EMC1: variants seen among roughly 807,000 people sequenced by gnomAD.
EMC1 encodes KIAA0090.
EMC1 carries 103 observed loss-of-function variants against 128.8 expected under a neutral mutation model. That is an observed-to-expected ratio of 0.80 (90% CI 0.68 to 0.94). The LOEUF (loss-of-function observed/expected upper bound fraction) is 0.94. EMC1 is among the 40% of genes least tolerant of loss of function. The probability of loss-of-function intolerance (pLI) is 0.00; values close to 1 mark genes in which losing one functional copy is unlikely to be tolerated. For missense variants in EMC1, 1,083 were observed against 1,250.6 expected, an observed-to-expected ratio of 0.87 and a Z score of 2.02; for synonymous variants, 442 against 490.4, an observed-to-expected ratio of 0.90 and a Z score of 1.30.
At chr1:19,237,605 G>T (rs773385440) in intron 11 of EMC1, among the ~76,000 whole-genome samples, 1 of 152,140 alleles carries the variant, frequency 6.6e-6, no homozygotes, top group Non-Finnish European at 1.5e-5. Context: ...TGCACACAGA[G>T]GCAATACTGG....
chr1:19,250,014 T>C (rs1224705890), intron 1 of EMC1, among the ~76,000 whole-genome samples: 1 of 151,708 alleles, frequency 6.6e-6, no homozygotes, highest in Non-Finnish European at 1.5e-5. Flanking sequence ...GATCGGGAGT[T>C]TGAGACCAGC....
intron 18 of EMC1, 111 bp downstream of exon 18, chr1:19,227,202 A>T: frequency 8.3e-7 from 1 of 1,204,178 alleles, no homozygotes; most frequent in Non-Finnish European, 1.2e-6. Flanking sequence ...CAAAGGGATT[A>T]AATGACTTAC....
At position 19,219,472 on chromosome 1, in the gene EMC1, T is replaced by C. The variant is rs2093414395; in HGVS notation, c.2813A>G (p.Tyr938Cys). Residue 938 changes from tyrosine (Y) to cysteine (C), a missense_variant, in exon 23 of 23, where the codon TAT becomes TGT. This residue lies in a region of EMC1 where 527 missense variants were observed against 644.1 expected (regional missense o/e 0.82). Coordinates refer to ENST00000477853, the MANE Select transcript of EMC1 (RefSeq NM_015047.3). ...TCGAGTTTGGTAAATGTCCAAACCA[T>C]AGGCCACAACCTGGAAGGCAGATGG... ...GLESTCLVVA[Y>C]GLDIYQTRVY... 1.2e-6 allele frequency: 2 copies of C among 1,613,830 alleles called. No individual in the cohort carries two copies. Among genetic ancestry groups the C allele is most frequent in the East Asian group, 2.2e-5 (1 of 44,840 alleles).
Position 19,222,805 on chromosome 1 carries a change from G to A in EMC1, c.2406C>T (p.Arg802=). ...VYQYWNTKAR[R]NEFTVLELYE... is the part of the protein sequence containing the mutation. The stretch of plus-strand genomic sequence containing the variant: ...AGAGCTCCAGTACGGTAAACTCGTT[G>A]CGCCGAGCCTTGGTGTTCCAGTACT... The change falls in exon 20 of 23, where the codon CGC becomes CGT. Residue 802 remains arginine, a synonymous_variant. Coordinates refer to ENST00000477853, the MANE Select transcript of EMC1 (RefSeq NM_015047.3). 6.2e-7 allele frequency: 1 copy of A among 1,612,892 alleles called. No individual in the cohort carries two copies. The highest frequency in any genetic ancestry group is 8.5e-7 in the Non-Finnish European group (1 of 1,179,126).
Position 19,216,541 on chromosome 1 carries a change from TTAAA to T in EMC1, c.*2758_*2761del, listed in dbSNP as rs2093397980. ...TACCTAATATGTACCCACAAAAAAT[TTAAA>T]TAAAAAACTTTAAAAGATCCATTAG... is the stretch of plus-strand genomic sequence containing the variant. On this transcript the variant is annotated 3_prime_UTR_variant, in exon 23 of 23. Transcript: ENST00000477853. 1 of 152,008 alleles carries T rather than the reference TTAAA, an allele frequency of 6.6e-6. No individual in the cohort carries two copies. The highest frequency in any genetic ancestry group is 2.4e-5 in the African/African-American group (1 of 41,360). 9.4% of individuals were successfully genotyped at this position (152,008 alleles called of 1,614,324 possible).
chr1:19,220,650 C>T (rs1224082992), intron 21 of EMC1, 114 bp downstream of exon 21: 5 of 753,254 alleles, frequency 6.6e-6, no homozygotes, highest in East Asian at 2.8e-5. Context: ...CCCCCTGCTA[C>T]ATCCCCAGCC....
chr1:19,232,522 C>T, intron 15 of EMC1, 102 bp downstream of exon 15: 1 of 1,315,754 alleles, frequency 7.6e-7, no homozygotes, highest in Non-Finnish European at 1.1e-6. Context: ...CTGAATGTTC[C>T]TCATTAACTC....
In EMC1 at chr1:19,216,527, T is replaced by C. The variant is rs1251603809; in HGVS notation, c.*2776A>G. 1 of 152,164 alleles carries C rather than the reference T, an allele frequency of 6.6e-6. No individual in the cohort carries two copies. The highest frequency in any genetic ancestry group is 1.5e-5 in the Non-Finnish European group (1 of 68,034). The allele number at this position is 152,164 out of a possible 1,614,324, so 9.4% of individuals were successfully genotyped here. On this transcript the variant is annotated 3_prime_UTR_variant, in exon 23 of 23. Transcript: ENST00000477853. Reference sequence around the variant, plus strand: ...CCCATAAGTATATGTACCTAATATGTACCCACAAAAAATTTAAATAAAAAA... The same window carrying C: ...CCCATAAGTATATGTACCTAATATGCACCCACAAAAAATTTAAATAAAAAA...
chr1:19,220,924 G>A (rs2093426692), intron 20 of EMC1, 76 bp from the exon 21 acceptor site: 1 of 1,063,454 alleles, frequency 9.4e-7, no homozygotes, highest in Admixed American at 2.2e-5. Flanking sequence ...CATTATTGCA[G>A]ACATTTAAAT....
intron 13 of EMC1, among the ~76,000 whole-genome samples, chr1:19,234,553 A>C (rs747151993): frequency 7.9e-5 from 12 of 152,202 alleles, no homozygotes; most frequent in Non-Finnish European, 1.5e-4. Context: ...TACCAAGTTA[A>C]GACTTTATTC....
chr1:19,233,537 T>A (rs2093540333), intron 13 of EMC1, among the ~76,000 whole-genome samples: 1 of 152,174 alleles, frequency 6.6e-6, no homozygotes, highest in Admixed American at 6.5e-5. Context: ...TGCAGGTCAG[T>A]GAATATGTAT....
chr1:19,242,699 C>T (rs569151124), intron 4 of EMC1, among the ~76,000 whole-genome samples: 6 of 152,320 alleles, frequency 3.9e-5, no homozygotes, highest in African/African-American at 1.4e-4. Context: ...TCTGTATCTC[C>T]TAAGGGCTGT....
At chr1:19,224,943 C>A (rs2093460757) in intron 18 of EMC1, among the ~76,000 whole-genome samples, 1 of 152,232 alleles carries the variant, frequency 6.6e-6, no homozygotes, top group Admixed American at 6.5e-5. Context: ...ACACAACTCA[C>A]TTCCTCACTC....
intron 11 of EMC1, 33 bp downstream of exon 11, chr1:19,237,984 C>T: frequency 6.2e-7 from 1 of 1,608,684 alleles, no homozygotes; most frequent in South Asian, 1.1e-5. Context: ...GAGAAGCCCA[C>T]AGGACAGTCT....
chr1:19,241,870 C>T (rs757645785), intron 5 of EMC1, among the ~76,000 whole-genome samples: 2 of 152,122 alleles, frequency 1.3e-5, no homozygotes, highest in Non-Finnish European at 2.9e-5. Flanking sequence ...CTAAGTAGAT[C>T]CTTTTATCTT....
At chr1:19,240,208 G>A (rs1439659864) in intron 7 of EMC1, 89 bp downstream of exon 7, 5 of 1,529,886 alleles carry the variant, frequency 3.3e-6, no homozygotes, top group African/African-American at 1.4e-5. Flanking sequence ...GAAGAGTCTA[G>A]GAGAAAGACC....
chr1:19,240,324 T>A lies in EMC1; in HGVS notation c.759A>T (p.Glu253Asp). The part of the protein sequence containing the change: ...RSLQTLALET[E>D]WELRQIPLQS... ...GCAGTGGGATCTGTCTCAACTCCCATTCCGTCTCCAGAGCCAAAGTTTGGA... is the reference window on the plus strand; with the variant it reads ...GCAGTGGGATCTGTCTCAACTCCCAATCCGTCTCCAGAGCCAAAGTTTGGA... Residue 253 changes from glutamate to aspartate, a missense_variant, in exon 7 of 23, where the codon GAA becomes GAT. Physicochemically the swap from Glu to Asp is conservative, Grantham distance 45 (BLOSUM62 2). Transcript: ENST00000477853. 1.2e-6 allele frequency: 2 copies of A among 1,614,156 alleles called. No individual in the cohort carries two copies. The highest frequency in any genetic ancestry group is 1.7e-6 in the Non-Finnish European group (2 of 1,180,012).
At chr1:19,239,098 C>G (rs2093587707) in intron 9 of EMC1, 133 bp downstream of exon 9, 2 of 819,682 alleles carry the variant, frequency 2.4e-6, no homozygotes, top group African/African-American at 3.4e-5. Flanking sequence ...GGCAAGACCT[C>G]ACTTCTCAAC....
chr1:19,243,682 G>C lies in EMC1; in HGVS notation c.312C>G (p.Gly104=). The change falls in exon 4 of 23, where the codon GGC becomes GGG. Residue 104 remains glycine (G), a synonymous_variant. Transcript: ENST00000477853. Reference sequence around the variant, plus strand: ...TAGTCTCCCAGGAACGCATGATTCGGCCTCCATTGGACACAGTGATCACAT... The same window carrying C: ...TAGTCTCCCAGGAACGCATGATTCGCCCTCCATTGGACACAGTGATCACAT... ...GQDVITVSNG[G]RIMRSWETNI... 6.2e-7 allele frequency: 1 copy of C among 1,614,168 alleles called. No individual in the cohort carries two copies.
Sources: gnomAD v4.1 joint callset for allele counts (sites outside exome capture counted in the v4.1 genomes callset) on GRCh38, gnomAD v4.1.1 for gene constraint, gnomAD v4.1.1 regional missense constraint, MANE v1.5 for transcripts, NCBI Gene and HGNC (gene_info 2026-07-23, HGNC 2026-07-21) for gene names.